LRBA: variants seen among roughly 807,000 people sequenced by gnomAD.
The protein encoded by LRBA is LPS responsive beige-like anchor protein.
Under a neutral mutation model 330.0 loss-of-function variants are expected in LRBA, and 176 were observed. The ratio of observed to expected loss-of-function variants is 0.53; its 90% confidence interval spans 0.47 to 0.60. LRBA has a LOEUF of 0.60. Among genes scored for constraint, LRBA ranks in the 20% least tolerant of loss-of-function variants. The pLI is 0.00. For synonymous variants in LRBA, 1,230 were observed against 1,193.0 expected (o/e 1.03, Z -0.64); for missense variants, 3,259 against 3,444.8 (o/e 0.95, Z 1.35).
intron 36 of LRBA, among the ~76,000 whole-genome samples, chr4:150,717,794 C>T (rs943737220): frequency 6.6e-6 from 1 of 151,404 alleles, no homozygotes; most frequent in Non-Finnish European, 1.5e-5. Context: ...TGCAGTTCCA[C>T]TGAAGCTAGC....
At chr4:150,773,051 G>A (rs745425002) in intron 34 of LRBA, among the ~76,000 whole-genome samples, 6 of 152,116 alleles carry the variant, frequency 3.9e-5, no homozygotes, top group Non-Finnish European at 5.9e-5. Context: ...GGGGTATCTC[G>A]ACATGTCCCA....
rs75550434 is a variant in LRBA at position 150,818,113 on chromosome 4, C to G, written c.5172-856G>C. 4.6e-3 allele frequency among the ~76,000 whole-genome samples: 698 copies of G among 152,180 alleles called. 6 individuals carry two copies. The highest frequency in any genetic ancestry group is 0.016 in the African/African-American group (667 of 41,544). ...TATAACTGCGAGCTTCAAGTATTCC[C>G]TTAATAGCTTTAAAGTATTCAGCTT... On this transcript the variant is annotated intron_variant, in intron 30 of 56. Coordinates refer to ENST00000651943, the MANE Select transcript of LRBA (RefSeq NM_001364905.1).
chr4:150,440,893 T>C (rs1222431514), intron 44 of LRBA, among the ~76,000 whole-genome samples: 1 of 152,144 alleles, frequency 6.6e-6, no homozygotes, highest in East Asian at 1.9e-4. Context: ...ATTTCACAAA[T>C]AGCAAAGCTG....
intron 2 of LRBA, among the ~76,000 whole-genome samples, chr4:150,971,279 A>G (rs940821098): frequency 6.6e-6 from 1 of 152,174 alleles, no homozygotes; most frequent in African/African-American, 2.4e-5. Flanking sequence ...AGGGACATGA[A>G]TCATGGTGCC....
At chr4:150,535,116 C>T (rs550715319) in intron 40 of LRBA, among the ~76,000 whole-genome samples, 1 of 151,966 alleles carries the variant, frequency 6.6e-6, no homozygotes, top group Admixed American at 6.6e-5. Context: ...CTCCTCTTAC[C>T]TTTATCTATT....
At chr4:150,693,334 T>C (rs1016869853) in intron 36 of LRBA, among the ~76,000 whole-genome samples, 6 of 151,676 alleles carry the variant, frequency 4.0e-5, no homozygotes, top group Admixed American at 6.6e-5. Flanking sequence ...GAGGCCGAGG[T>C]GGGCGGATCA....
chr4:150,851,977 C>T lies in LRBA; in HGVS notation c.3733G>A (p.Asp1245Asn), dbSNP rs1750669610. 6.2e-7 allele frequency: 1 copy of T among 1,613,998 alleles called. No homozygotes were observed. Among genetic ancestry groups the T allele is most frequent in the Admixed American group, 1.7e-5 (1 of 59,992 alleles). Residue 1245 changes from aspartate (D) to asparagine (N), a missense_variant, in exon 23 of 57, where the codon GAT becomes AAT. Asp to Asn is a conservative substitution (Grantham distance 23). Coordinates refer to ENST00000651943, the MANE Select transcript of LRBA (RefSeq NM_001364905.1). ...ASSEQKIAKL[D>N]VSNVATDTER... Reference sequence around the variant, plus strand: ...GTATCTGTAGCAACATTGGAAACATCCAACTTCGCAATCTTTTGCTCAGAA... The same window carrying T: ...GTATCTGTAGCAACATTGGAAACATTCAACTTCGCAATCTTTTGCTCAGAA...
Position 150,321,168 on chromosome 4 carries a change from T to G in LRBA, c.7630+23A>C, listed in dbSNP as rs1732456981. 1 of 1,593,534 alleles carries G rather than the reference T, an allele frequency of 6.3e-7. No individual in the cohort carries two copies. The highest frequency in any genetic ancestry group is 2.3e-5 in the East Asian group (1 of 44,294). On this transcript the variant is annotated intron_variant, in intron 50 of 56. Transcript: ENST00000651943. The surrounding 1 kb of genome is among the most constrained non-coding windows in gnomAD (Gnocchi z 4.5). ...ACAGTGTTCAGCAGTTACCATGCCT[T>G]ATAATGGTATTTCTTTACTTACCAG...
Position 150,285,951 on chromosome 4 carries a change from C to T in LRBA, c.8101G>A (p.Val2701Met). ...CAAVCAELGL[V>M]LSGSQEGPCL... ...GGTTTACCTTGTGAACCACTCAACA[C>T]CAGGCCTAGCTCCGCACACACCGCA... Residue 2701 changes from valine (V) to methionine (M), a missense_variant, in exon 54 of 57, where the codon GTG becomes ATG. Transcript: ENST00000651943. 1 of 1,583,970 alleles carries T rather than the reference C, an allele frequency of 6.3e-7. No homozygotes were observed. Among genetic ancestry groups the T allele is most frequent in the Non-Finnish European group, 8.6e-7 (1 of 1,168,094 alleles).
At chr4:150,625,204 GT>G (rs1361992709) in intron 37 of LRBA, among the ~76,000 whole-genome samples, 2 of 152,088 alleles carry the variant, frequency 1.3e-5, no homozygotes, top group Admixed American at 6.5e-5. Flanking sequence ...TCCAGAAGAG[GT>G]TTTCTAACTA....
chr4:150,286,439 G>A (rs1560964583), intron 53 of LRBA, among the ~76,000 whole-genome samples: 1 of 152,064 alleles, frequency 6.6e-6, no homozygotes, highest in Non-Finnish European at 1.5e-5. Flanking sequence ...TTTGTGGGCC[G>A]CTGAAACCCA....
At chr4:150,618,873 C>T (rs1021869976) in intron 37 of LRBA, among the ~76,000 whole-genome samples, 9 of 141,998 alleles carry the variant, frequency 6.3e-5, no homozygotes, top group African/African-American at 1.3e-4. Flanking sequence ...TATATATATA[C>T]ACACATACAC....
chr4:150,367,751 G>T (rs542891393), intron 47 of LRBA, among the ~76,000 whole-genome samples: 70 of 152,224 alleles, frequency 4.6e-4, no homozygotes, highest in Non-Finnish European at 8.7e-4. Flanking sequence ...TATACCCTAA[G>T]CTACTTTTAG....
intron 11 of LRBA, 41 bp from the exon 12 acceptor site, chr4:150,906,446 C>T: frequency 8.8e-7 from 1 of 1,136,300 alleles, no homozygotes. Context: ...AAAACATATT[C>T]TATTTTTTTT....
chr4:150,560,705 G>A (rs1976494), intron 40 of LRBA, among the ~76,000 whole-genome samples: 68,531 of 151,932 alleles, frequency 0.45, 16,007 homozygotes, highest in Admixed American at 0.52. Flanking sequence ...CGTTACTATC[G>A]GCCGGGCACA....
chr4:150,451,238 TAAC>T (rs1250327981), intron 44 of LRBA, among the ~76,000 whole-genome samples: 3 of 152,278 alleles, frequency 2.0e-5, no homozygotes, highest in Middle Eastern at 3.4e-3. Flanking sequence ...GAACAATACT[TAAC>T]AACAGAATAT....
At chr4:150,456,049 T>C (rs932288480) in intron 44 of LRBA, among the ~76,000 whole-genome samples, 2 of 152,148 alleles carry the variant, frequency 1.3e-5, no homozygotes, top group African/African-American at 4.8e-5. Flanking sequence ...ATAAGCACCA[T>C]ATTTTCTTTA....
rs1423815117 is a variant in LRBA, at chr4:150,477,426, A to T, written c.6552-5687T>A. Among the ~76,000 whole-genome samples, 4 of 152,102 alleles carry T rather than the reference A, an allele frequency of 2.6e-5. No homozygotes were observed. The East Asian group carries it at 7.7e-4, about 29-fold the overall frequency. ...AATCATGGTGGAAGGCAAAGAAGGA[A>T]GCACCTTCTTCACAAGGCAGCAGTG... On this transcript the variant is annotated intron_variant, in intron 42 of 56. Transcript: ENST00000651943.
intron 40 of LRBA, among the ~76,000 whole-genome samples, chr4:150,557,204 C>T (rs1767439196): frequency 6.6e-6 from 1 of 151,954 alleles, no homozygotes; most frequent in African/African-American, 2.4e-5. Context: ...TCCCACTGGC[C>T]CAATCTGGAA....
Sources: gnomAD v4.1 joint callset for allele counts (sites outside exome capture counted in the v4.1 genomes callset) on GRCh38, gnomAD v4.1.1 for gene constraint, Gnocchi (gnomAD v3.1) non-coding constraint, MANE v1.5 for transcripts, NCBI Gene and HGNC (gene_info 2026-07-23, HGNC 2026-07-21) for gene names.